Variants in PSMD3 observed in about 807,000 individuals in gnomAD.
PSMD3 encodes the protein 26S proteasome non-ATPase regulatory subunit 3.
In PSMD3, 5 loss-of-function variants were observed where a neutral mutation model predicts 62.8. That is an observed-to-expected ratio of 0.08 (90% CI 0.04 to 0.17). The LOEUF is 0.17. Among genes scored for constraint, PSMD3 ranks in the 10% least tolerant of loss-of-function variants. The probability of loss-of-function intolerance (pLI) is 1.00; values close to 1 mark genes in which losing one functional copy is unlikely to be tolerated. For missense variants in PSMD3, 524 were observed against 713.6 expected (o/e 0.73, Z 3.03); for synonymous variants, 265 against 283.9 (o/e 0.93, Z 0.67).
At position 39,996,435 on chromosome 17, in the gene PSMD3, C is replaced by A; in HGVS notation, c.1476+97C>A. The A allele has an allele frequency of 6.8e-7, 1 of 1,463,764 alleles. No individual in the cohort carries two copies. The highest frequency in any genetic ancestry group is 9.3e-7 in the Non-Finnish European group (1 of 1,074,086). 90.7% of individuals were successfully genotyped at this position (1,463,764 alleles called of 1,614,324 possible). The stretch of plus-strand genomic sequence containing the variant: ...AGAGAAGACTGGCTTAATTTGTGGC[C>A]CACGTCCCAGCCAATCTCTGTAAAA... On this transcript the variant is annotated intron_variant, in intron 10 of 11. Transcript: ENST00000264639. The surrounding 1 kb of genome is among the most constrained non-coding windows in gnomAD (Gnocchi z 5.1).
At chr17:39,983,337 T>A (rs1980433224) in intron 1 of PSMD3, among the ~76,000 whole-genome samples, 1 of 152,270 alleles carries the variant, frequency 6.6e-6, no homozygotes, top group African/African-American at 2.4e-5. Context: ...CCACCTATAA[T>A]TTTTTTAATG....
At chr17:39,984,088 T>C (rs1456377201) in intron 1 of PSMD3, among the ~76,000 whole-genome samples, 2 of 151,532 alleles carry the variant, frequency 1.3e-5, no homozygotes, top group South Asian at 4.2e-4. Context: ...TAGTCCCAGC[T>C]ACTCGGGAGG....
chr17:39,986,987 G>A (rs922114151), intron 3 of PSMD3, among the ~76,000 whole-genome samples: 1 of 152,126 alleles, frequency 6.6e-6, no homozygotes, highest in Non-Finnish European at 1.5e-5. Flanking sequence ...GGGGCATTTG[G>A]AGACAGAAAG....
chr17:39,996,293 C>T lies in PSMD3; in HGVS notation c.1431C>T (p.His477=), dbSNP rs1980783247. ...CCCGAGAGCCCCAGCTAGCCTTCCA[C>T]CAGCGCATCTCCTTCTGCCTAGATA... The part of the protein sequence containing the change: ...YSTREPQLAF[H]QRISFCLDIH... The change falls in exon 10 of 12, where the codon CAC becomes CAT. Residue 477 remains histidine, a synonymous_variant. Transcript: ENST00000264639. This position sits in a 1 kb window ranked among gnomAD's most constrained non-coding sequence, Gnocchi z 5.1. The T allele has an allele frequency of 6.2e-7, 1 of 1,614,080 alleles. No individual in the cohort carries two copies. Among genetic ancestry groups the T allele is most frequent in the Non-Finnish European group, 8.5e-7 (1 of 1,180,036 alleles).
chr17:39,982,442 T>C (rs1438218144), intron 1 of PSMD3, among the ~76,000 whole-genome samples: 3 of 152,264 alleles, frequency 2.0e-5, no homozygotes, highest in Non-Finnish European at 4.4e-5. Context: ...GAGCAAGTTA[T>C]GTATACAGTT....
Position 39,981,197 on chromosome 17 carries a change from C to T in PSMD3, c.220+7C>T. On this transcript the variant is annotated splice_region_variant and intron_variant, in intron 1 of 11. Transcript: ENST00000264639. ...GACACAGTCACCTTGGAGGGTACGG[C>T]AGCCCAGGCCGGGAACGTGCCGCGA... 6.5e-7 allele frequency: 1 copy of T among 1,549,918 alleles called. No individual in the cohort carries two copies. The highest frequency in any genetic ancestry group is 8.7e-7 in the Non-Finnish European group (1 of 1,146,660).
Position 39,997,631 on chromosome 17 carries a change from C to G in PSMD3, c.*50C>G, listed in dbSNP as rs368398165. On this transcript the variant is annotated 3_prime_UTR_variant, in exon 12 of 12. Coordinates refer to ENST00000264639, the MANE Select transcript of PSMD3 (RefSeq NM_002809.4). ...GGGAATGGGGACAGGCTCTTTCCCC[C>G]TTGGGGGTCCCCTGCCCAGGGCACT... 1,304 of 1,580,084 alleles carry G rather than the reference C, an allele frequency of 8.3e-4. 1 individual carries two copies. Among genetic ancestry groups the G allele is most frequent in the Non-Finnish European group, 1.0e-3 (1,182 of 1,155,088 alleles).
At chr17:39,986,285 T>TG (rs1457856099) in intron 2 of PSMD3, among the ~76,000 whole-genome samples, 1 of 151,990 alleles carries the variant, frequency 6.6e-6, no homozygotes, top group East Asian at 1.9e-4. Flanking sequence ...TTTTGAGAGA[T>TG]GGGGTCTCAC....
chr17:39,981,096 G>A lies in PSMD3; in HGVS notation c.126G>A (p.Ala42=). 1.3e-6 allele frequency: 2 copies of A among 1,550,704 alleles called. No individual in the cohort carries two copies. Among genetic ancestry groups the A allele is most frequent in the Non-Finnish European group, 1.7e-6 (2 of 1,146,674 alleles). Residue 42 remains alanine (A), a synonymous_variant, in exon 1 of 12, where the codon GCG becomes GCA. Transcript: ENST00000264639. Reference sequence around the variant, plus strand: ...ATGTGGAGATGAAAGAGGAGGCAGCGACGGGTGGCGGGTCGACGGGGGAGG... The same window carrying A: ...ATGTGGAGATGAAAGAGGAGGCAGCAACGGGTGGCGGGTCGACGGGGGAGG... ...PQDVEMKEEA[A]TGGGSTGEAD...
chr17:39,995,314 G>C lies in PSMD3; in HGVS notation c.1216+19G>C. The C allele has an allele frequency of 6.2e-7, 1 of 1,614,114 alleles. No individual in the cohort carries two copies. The highest frequency in any genetic ancestry group is 8.5e-7 in the Non-Finnish European group (1 of 1,180,016). ...AAGACAGGTGTGGATCAGGATCTGA[G>C]GGGCTGTTGGAGGAGCAGAAGCCAG... is the stretch of plus-strand genomic sequence containing the variant. On this transcript the variant is annotated intron_variant, in intron 8 of 11. Transcript: ENST00000264639. The surrounding 1 kb of genome is among the most constrained non-coding windows in gnomAD (Gnocchi z 4.1).
At chr17:39,991,911 G>A (rs1980662924) in intron 6 of PSMD3, among the ~76,000 whole-genome samples, 1 of 151,910 alleles carries the variant, frequency 6.6e-6, no homozygotes, top group African/African-American at 2.4e-5. Flanking sequence ...TGTAGTCCCA[G>A]CTACTTGGGA....
intron 2 of PSMD3, among the ~76,000 whole-genome samples, chr17:39,985,092 G>T (rs190486140): frequency 6.6e-6 from 1 of 152,248 alleles, no homozygotes; most frequent in East Asian, 1.9e-4. Flanking sequence ...GCCAGGCATG[G>T]TGGCACCTGC....
intron 4 of PSMD3, 92 bp from the exon 5 acceptor site, chr17:39,989,647 C>A (rs962068649): frequency 1.6e-5 from 20 of 1,276,164 alleles, no homozygotes; most frequent in Non-Finnish European, 2.2e-6. Flanking sequence ...ATTTGTATAA[C>A]TTTTTTAAGG....
At chr17:39,992,027 A>AAAAAAAAAAAAAAAAAAAAAAAC (rs1478628045) in intron 6 of PSMD3, among the ~76,000 whole-genome samples, 2 of 151,660 alleles carry the variant, frequency 1.3e-5, no homozygotes, top group African/African-American at 4.8e-5. Context: ...TCTGTCTCAA[A>AAAAAAAAAAAAAAAAAAAAAAAC]AAAAAACAAA....
In PSMD3 at chr17:39,980,832, T is replaced by C. The variant is rs1980358837; in HGVS notation, c.-139T>C. ...AGAAGGCCCAGCGCCGGGAAGGGGT[T>C]TGCAGCTGCTCCGTCATCGTGCGGC... On this transcript the variant is annotated 5_prime_UTR_variant, in exon 1 of 12. Transcript: ENST00000264639. 3.9e-6 allele frequency: 3 copies of C among 772,810 alleles called. No individual in the cohort carries two copies. Among genetic ancestry groups the C allele is most frequent in the African/African-American group, 1.9e-5 (1 of 53,414 alleles). The allele number at this position is 772,810 out of a possible 1,614,324, so 47.9% of individuals were successfully genotyped here. A position where few individuals can be genotyped will look rare whatever the true frequency, so the allele number is the denominator to read the frequency against.
Position 39,995,836 on chromosome 17 carries a change from G to A in PSMD3, c.1320+309G>A. On this transcript the variant is annotated intron_variant, in intron 9 of 11. Transcript: ENST00000264639. This position sits in a 1 kb window ranked among gnomAD's most constrained non-coding sequence, Gnocchi z 4.1. ...CTCTGACTTAGAAGATGGGCGTGCT[G>A]GGCCAGGCGCAGTGGCTCATGCCTG... The A allele has an allele frequency of 2.0e-6, 1 of 489,110 alleles. No individual in the cohort carries two copies. Among genetic ancestry groups the A allele is most frequent in the Non-Finnish European group, 3.7e-6 (1 of 268,496 alleles). 30.3% of individuals were successfully genotyped at this position (489,110 alleles called of 1,614,324 possible).
Position 39,995,595 on chromosome 17 carries a change from G to A in PSMD3, c.1320+68G>A, listed in dbSNP as rs1980763969. 6.7e-7 allele frequency: 1 copy of A among 1,495,660 alleles called. No individual in the cohort carries two copies. 92.6% of individuals were successfully genotyped at this position (1,495,660 alleles called of 1,614,324 possible). The stretch of plus-strand genomic sequence containing the variant: ...CCTGCCAATCTCAGGAGGCAGGAGT[G>A]GGAGGAGTTTGGCCAAGGAGGGGAA... On this transcript the variant is annotated intron_variant, in intron 9 of 11. Coordinates refer to ENST00000264639, the MANE Select transcript of PSMD3 (RefSeq NM_002809.4). This position sits in a 1 kb window ranked among gnomAD's most constrained non-coding sequence, Gnocchi z 4.1.
In PSMD3 at chr17:39,981,140, C is replaced by A. The variant is rs1187329844; in HGVS notation, c.170C>A (p.Ala57Glu). ...STGEADGKTA[A>E]AAAEHSQREL... ...GGGGAGGCAGACGGCAAGACGGCGG[C>A]GGCAGCGGCTGAGCACTCCCAGCGA... The change falls in exon 1 of 12, where the codon GCG becomes GAG. Residue 57 changes from alanine to glutamate, a missense_variant. Around this residue, in one of 4 missense-constraint regions of PSMD3, gnomAD observed 396 missense variants for 475.8 expected, o/e 0.83. Coordinates refer to ENST00000264639, the MANE Select transcript of PSMD3 (RefSeq NM_002809.4). 1 of 1,550,480 alleles carries A rather than the reference C, an allele frequency of 6.4e-7. No individual in the cohort carries two copies. The highest frequency in any genetic ancestry group is 1.2e-5 in the South Asian group (1 of 84,046).
At position 39,997,870 on chromosome 17, in the gene PSMD3, G is replaced by GC; in HGVS notation, c.*289_*290insC. Reference sequence around the variant, plus strand: ...GGATAGTTCTGTGTACTCCTTTAGGGAGTGGGGGACTAGAACTGGGATGTC... The same window carrying GC: ...GGATAGTTCTGTGTACTCCTTTAGGGCAGTGGGGGACTAGAACTGGGATGTC... On this transcript the variant is annotated 3_prime_UTR_variant, in exon 12 of 12. Coordinates refer to ENST00000264639, the MANE Select transcript of PSMD3 (RefSeq NM_002809.4). The GC allele has an allele frequency of 2.0e-6, 1 of 488,126 alleles. No homozygotes were observed. 30.2% of individuals were successfully genotyped at this position (488,126 alleles called of 1,614,324 possible).
Sources: allele counts gnomAD v4.1 joint callset (sites outside exome capture counted in the v4.1 genomes callset), GRCh38; gene constraint gnomAD v4.1.1; regional missense constraint gnomAD v4.1.1; non-coding constraint Gnocchi (gnomAD v3.1); transcripts MANE v1.5; gene names NCBI Gene and HGNC (gene_info 2026-07-23, HGNC 2026-07-21).